The following MED15 variants were observed in gnomAD, a reference collection of about 807,000 sequenced individuals.
MED15 encodes mediator complex subunit 15.
A neutral mutation model predicts 118.7 loss-of-function variants in MED15; 41 were observed. The observed-to-expected ratio is 0.35, with a 90% confidence interval of 0.27 to 0.45. MED15 has a LOEUF of 0.45. Among genes scored for constraint, MED15 ranks in the 20% least tolerant of loss-of-function variants. The pLI is 1.00. For missense variants in MED15, 740 were observed against 1,025.5 expected (o/e 0.72, Z 3.80); for synonymous variants, 436 against 413.9 (o/e 1.05, Z -0.65).
intron 4 of MED15, among the ~76,000 whole-genome samples, chr22:20,553,864 C>A (rs1441592135): frequency 2.0e-5 from 3 of 152,038 alleles, no homozygotes; most frequent in African/African-American, 7.2e-5. Flanking sequence ...GAGTGAGACT[C>A]CATCTCAAAA....
chr22:20,509,247 C>A (rs541890017), intron 1 of MED15, among the ~76,000 whole-genome samples: 1 of 152,156 alleles, frequency 6.6e-6, no homozygotes, highest in East Asian at 1.9e-4. Context: ...CTGTGTTTGG[C>A]ATGTGGCATT....
At chr22:20,578,200 C>T (rs567978473) in intron 9 of MED15, among the ~76,000 whole-genome samples, 182 of 152,366 alleles carry the variant, frequency 1.2e-3, no homozygotes, top group African/African-American at 4.2e-3. Flanking sequence ...GTTGAGATTA[C>T]AGGTGTGAAC....
Position 20,564,894 on chromosome 22 carries a change from G to A in MED15, c.690+206G>A, listed in dbSNP as rs188214719. Among the ~76,000 whole-genome samples the A allele has an allele frequency of 8.5e-5, 13 of 152,340 alleles. No individual in the cohort carries two copies. The East Asian group carries it at 2.5e-3, about 29-fold the overall frequency. ...GCCTGTAATCCCAGCACTTTGGGAG[G>A]CCAAGGCAGGCGGATCATCAGGAGT... On this transcript the variant is annotated intron_variant, in intron 6 of 17. Coordinates refer to ENST00000263205, the MANE Select transcript of MED15 (RefSeq NM_001003891.3).
rs1024899601 is a variant in MED15, at chr22:20,534,973, A to G, written c.69-2144A>G. Among the ~76,000 whole-genome samples the G allele has an allele frequency of 5.3e-5, 8 of 152,082 alleles. No homozygotes were observed. The South Asian group carries it at 1.2e-3, about 24-fold the overall frequency. ...AGCAGACAGGGAGGTAGGAACTCCA[A>G]GAGTGCAGGAGTCTCATTCTGTCGC... On this transcript the variant is annotated intron_variant, in intron 1 of 17. Transcript: ENST00000263205.
rs114996979 is a variant in MED15 at position 20,532,135 on chromosome 22, C to T, written c.69-4982C>T. 4.3e-3 allele frequency among the ~76,000 whole-genome samples: 655 copies of T among 152,094 alleles called. 7 individuals are homozygous for T. The highest frequency in any genetic ancestry group is 0.015 in the African/African-American group (619 of 41,468). The stretch of plus-strand genomic sequence containing the variant: ...GCAGTCATGTGACCTGGGGAGCTGG[C>T]GAGGGCGTGGGGGTAGGAATGGGAA... On this transcript the variant is annotated intron_variant, in intron 1 of 17. Coordinates refer to ENST00000263205, the MANE Select transcript of MED15 (RefSeq NM_001003891.3).
At chr22:20,529,819 G>A (rs950009990) in intron 1 of MED15, among the ~76,000 whole-genome samples, 8 of 151,692 alleles carry the variant, frequency 5.3e-5, no homozygotes, top group East Asian at 1.9e-4. Flanking sequence ...CTCGAACTCC[G>A]GACCTCAGGT....
chr22:20,517,874 T>C (rs2054309145), intron 1 of MED15, among the ~76,000 whole-genome samples: 3 of 152,304 alleles, frequency 2.0e-5, no homozygotes, highest in African/African-American at 7.2e-5. Flanking sequence ...GAAGGCCTTT[T>C]GGCAATACTG....
At chr22:20,525,530 C>CTTTTT (rs753248152) in intron 1 of MED15, among the ~76,000 whole-genome samples, 6 of 113,312 alleles carry the variant, frequency 5.3e-5, no homozygotes, top group South Asian at 3.0e-4. Flanking sequence ...TGACCTTTCT[C>CTTTTT]TTTTTTTTTT....
intron 4 of MED15, among the ~76,000 whole-genome samples, chr22:20,553,767 A>G (rs1250480864): frequency 6.6e-6 from 1 of 152,118 alleles, no homozygotes; most frequent in African/African-American, 2.4e-5. Flanking sequence ...ACTACTCAGG[A>G]GGCTGAGGCA....
intron 1 of MED15, among the ~76,000 whole-genome samples, chr22:20,516,900 A>C (rs2054275703): frequency 6.6e-6 from 1 of 152,112 alleles, no homozygotes; most frequent in Non-Finnish European, 1.5e-5. Context: ...AGTGATTATC[A>C]ACTCTTGTCT....
chr22:20,552,122 TC>T (rs1268004232), intron 3 of MED15, among the ~76,000 whole-genome samples: 8 of 152,212 alleles, frequency 5.3e-5, no homozygotes, highest in African/African-American at 1.9e-4. Context: ...CACCAAGTGT[TC>T]CTGGATGGCC....
intron 2 of MED15, among the ~76,000 whole-genome samples, chr22:20,538,230 A>T (rs2055155169): frequency 6.6e-6 from 1 of 152,030 alleles, no homozygotes; most frequent in South Asian, 2.1e-4. Flanking sequence ...CACAGGTGCG[A>T]GCCACCAAGC....
At chr22:20,582,530 C>A (rs144476556) in intron 9 of MED15, 81 bp from the exon 10 acceptor site, 3 of 1,530,444 alleles carry the variant, frequency 2.0e-6, no homozygotes, top group Admixed American at 3.9e-5. Context: ...GAGGATGGGC[C>A]TATGCGTGCG....
At chr22:20,529,980 T>A (rs1398518152) in intron 1 of MED15, among the ~76,000 whole-genome samples, 1 of 152,230 alleles carries the variant, frequency 6.6e-6, no homozygotes, top group African/African-American at 2.4e-5. Flanking sequence ...TACCTCCGCC[T>A]CCCAGAGTGC....
intron 1 of MED15, among the ~76,000 whole-genome samples, chr22:20,522,567 T>C (rs552317176): frequency 6.6e-6 from 1 of 152,278 alleles, no homozygotes; most frequent in Non-Finnish European, 1.5e-5. Flanking sequence ...TGCATGCGTA[T>C]ATGAGCTTGC....
At chr22:20,566,962 A>T (rs2056465940) in intron 7 of MED15, 145 bp downstream of exon 7, 1 of 1,422,994 alleles carries the variant, frequency 7.0e-7, no homozygotes, top group Non-Finnish European at 9.4e-7. Context: ...AGCCCTGCCG[A>T]CTCTAGCATG....
At chr22:20,582,475 G>C in intron 9 of MED15, 136 bp from the exon 10 acceptor site, 1 of 1,361,844 alleles carries the variant, frequency 7.3e-7, no homozygotes, top group South Asian at 1.3e-5. Flanking sequence ...TGTATGTCCA[G>C]GTGGCATTTG....
At chr22:20,521,708 T>A (rs1008978163) in intron 1 of MED15, among the ~76,000 whole-genome samples, 1 of 103,670 alleles carries the variant, frequency 9.6e-6, no homozygotes, top group Non-Finnish European at 2.4e-5. Context: ...ATTTATTTAT[T>A]TATTTATTTA....
chr22:20,508,472 T>G (rs2053951336), intron 1 of MED15: 1 of 1,211,020 alleles, frequency 8.3e-7, no homozygotes, highest in Non-Finnish European at 1.1e-6. Context: ...TTATTTCACC[T>G]GGGTGCAGGT....
Sources: allele counts gnomAD v4.1 joint callset (sites outside exome capture counted in the v4.1 genomes callset), GRCh38; gene constraint gnomAD v4.1.1; transcripts MANE v1.5; gene names NCBI Gene and HGNC (gene_info 2026-07-23, HGNC 2026-07-21).